PTPRD: variants seen among roughly 807,000 people sequenced by gnomAD.
PTPRD encodes the protein protein tyrosine phosphatase receptor type D, also known as receptor-type tyrosine-protein phosphatase delta.
In PTPRD, 34 loss-of-function variants were observed where a neutral mutation model predicts 214.5. That is an observed-to-expected ratio of 0.16 (90% CI 0.12 to 0.21). The LOEUF (loss-of-function observed/expected upper bound fraction) is 0.21, where lower values mean the gene tolerates loss of function less well. PTPRD is among the 10% of genes least tolerant of loss of function. The pLI, the probability that PTPRD is intolerant of heterozygous loss-of-function variation, is 1.00. For missense variants in PTPRD, 2,545 were observed against 2,398.7 expected, an observed-to-expected ratio of 1.06 and a Z score of -1.27; for synonymous variants, 1,128 against 845.7, an observed-to-expected ratio of 1.33 and a Z score of -5.79.
At chr9:9,615,497 T>C (rs146373633) in intron 7 of PTPRD, among the ~76,000 whole-genome samples, 1,912 of 152,282 alleles carry the variant, frequency 0.013, 26 homozygotes, top group Non-Finnish European at 0.018. Flanking sequence ...GGATCAAGGG[T>C]TGTCTGCTTA....
At chr9:9,256,845 C>A (rs1400388749) in intron 9 of PTPRD, among the ~76,000 whole-genome samples, 1 of 151,992 alleles carries the variant, frequency 6.6e-6, no homozygotes, top group East Asian at 1.9e-4. Flanking sequence ...AGAAAAATCT[C>A]TAAGTCTTAT....
intron 3 of PTPRD, among the ~76,000 whole-genome samples, chr9:10,138,108 T>G (rs1199825882): frequency 6.6e-6 from 1 of 151,848 alleles, no homozygotes; most frequent in African/African-American, 2.4e-5. Flanking sequence ...CAAAAGTGTA[T>G]TTCAAAAAAT....
chr9:9,262,878 G>A (rs1056837958), intron 9 of PTPRD, among the ~76,000 whole-genome samples: 2 of 151,542 alleles, frequency 1.3e-5, no homozygotes, highest in Admixed American at 6.6e-5. Flanking sequence ...TCTATGTTGT[G>A]TTGACTCTGC....
In PTPRD at chr9:9,938,506, C is replaced by A. The variant is rs933677404; in HGVS notation, c.-368+1G>T. 6.6e-6 allele frequency: 1 copy of A among 152,138 alleles called. No individual in the cohort carries two copies. Among genetic ancestry groups the A allele is most frequent in the Non-Finnish European group, 1.5e-5 (1 of 68,040 alleles). 9.4% of individuals were successfully genotyped at this position (152,138 alleles called of 1,614,324 possible). A position where few individuals can be genotyped will look rare whatever the true frequency, so the allele number is the denominator to read the frequency against. Reference sequence around the variant, plus strand: ...AGCATACCCAGTCATACTGAACTCACCTGGAGCCGAAGCCCATCGCTTCCC... The same window carrying A: ...AGCATACCCAGTCATACTGAACTCAACTGGAGCCGAAGCCCATCGCTTCCC... On this transcript the variant is annotated splice_donor_variant, in intron 5 of 45. Coordinates refer to ENST00000381196, the MANE Select transcript of PTPRD (RefSeq NM_002839.4). LOFTEE classifies it low-confidence loss of function (5UTR_SPLICE).
rs1160868875 is a variant in PTPRD at position 8,381,927 on chromosome 9, T to G, written c.4387-5201A>C. Among the ~76,000 whole-genome samples, 3 of 152,170 alleles carry G rather than the reference T, an allele frequency of 2.0e-5. No homozygotes were observed. In the East Asian group the frequency reaches 5.8e-4, roughly 29 times the overall value. On this transcript the variant is annotated intron_variant, in intron 37 of 45. Coordinates refer to ENST00000381196, the MANE Select transcript of PTPRD (RefSeq NM_002839.4). Reference sequence around the variant, plus strand: ...AACTGTGTGAGGTGCCTCTTTCTCGTGGCCAAGTAGCACTTTGATATCAGC... The same window carrying G: ...AACTGTGTGAGGTGCCTCTTTCTCGGGGCCAAGTAGCACTTTGATATCAGC...
At chr9:10,393,600 G>A (rs1273797237) in intron 2 of PTPRD, among the ~76,000 whole-genome samples, 1 of 149,856 alleles carries the variant, frequency 6.7e-6, no homozygotes, top group Non-Finnish European at 1.5e-5. Context: ...AGGCTAGTCT[G>A]GGCAATATAG....
rs140188860 is a variant in PTPRD, at chr9:10,276,289, T to G, written c.-545+64674A>C. ...CATGTTCAGCTCATTAACAAATGCA[T>G]GACACAGCTACACAATCCTGCACAT... On this transcript the variant is annotated intron_variant, in intron 3 of 45. Coordinates refer to ENST00000381196, the MANE Select transcript of PTPRD (RefSeq NM_002839.4). Among the ~76,000 whole-genome samples the G allele has an allele frequency of 4.2e-3, 634 of 152,342 alleles. 3 individuals carry two copies. The highest frequency in any genetic ancestry group is 0.034 in the Middle Eastern group (10 of 294).
intron 3 of PTPRD, among the ~76,000 whole-genome samples, chr9:10,115,526 C>T (rs952802247): frequency 3.3e-5 from 5 of 151,996 alleles, no homozygotes; most frequent in Non-Finnish European, 7.4e-5. Flanking sequence ...AAAGTTAACC[C>T]ACAACTTGCC....
At chr9:8,639,673 C>T (rs2096530938) in intron 12 of PTPRD, among the ~76,000 whole-genome samples, 1 of 152,182 alleles carries the variant, frequency 6.6e-6, no homozygotes. Flanking sequence ...GTTGGCAATT[C>T]TGACAATCTG....
At chr9:8,986,352 A>T (rs572028428) in intron 11 of PTPRD, among the ~76,000 whole-genome samples, 2 of 152,150 alleles carry the variant, frequency 1.3e-5, no homozygotes, top group East Asian at 3.9e-4. Context: ...AAGGGTTAAA[A>T]ATGTAGAGAA....
intron 2 of PTPRD, among the ~76,000 whole-genome samples, chr9:10,583,449 TAGA>T (rs1182309964): frequency 1.4e-5 from 2 of 145,672 alleles, no homozygotes; most frequent in African/African-American, 5.1e-5. Context: ...GGTTATAAAC[TAGA>T]AGTTCTTTTT....
At chr9:10,444,412 C>T (rs59084899) in intron 2 of PTPRD, among the ~76,000 whole-genome samples, 1 of 151,572 alleles carries the variant, frequency 6.6e-6, no homozygotes, top group African/African-American at 2.4e-5. Flanking sequence ...TAAATACTAA[C>T]ATTATATAGG....
chr9:10,510,269 C>G (rs78426143), intron 2 of PTPRD, among the ~76,000 whole-genome samples: 4,918 of 152,120 alleles, frequency 0.032, 252 homozygotes, highest in African/African-American at 0.11. Context: ...TTGTCACAGC[C>G]TGCACTCCAT....
At chr9:9,676,357 A>G (rs1025048021) in intron 7 of PTPRD, among the ~76,000 whole-genome samples, 2 of 141,446 alleles carry the variant, frequency 1.4e-5, no homozygotes, top group Non-Finnish European at 3.0e-5. Flanking sequence ...ATTCCCACCT[A>G]TGAGGGAGAA....
At chr9:8,488,113 A>G (rs923891991) in intron 27 of PTPRD, among the ~76,000 whole-genome samples, 3 of 152,156 alleles carry the variant, frequency 2.0e-5, no homozygotes, top group Non-Finnish European at 4.4e-5. Context: ...AAATCATACC[A>G]TGGGGATATA....
At chr9:9,389,508 A>T (rs1329221514) in intron 9 of PTPRD, among the ~76,000 whole-genome samples, 3 of 151,932 alleles carry the variant, frequency 2.0e-5, no homozygotes, top group Non-Finnish European at 4.4e-5. Context: ...TCCATCTCAA[A>T]ATAATAATAA....
chr9:9,862,889 AG>A (rs2063102000), intron 5 of PTPRD, among the ~76,000 whole-genome samples: 1 of 152,194 alleles, frequency 6.6e-6, no homozygotes, highest in Non-Finnish European at 1.5e-5. Flanking sequence ...GTTATGTTTT[AG>A]TAGAAAAAAC....
chr9:8,798,338 T>A (rs2096491809), intron 11 of PTPRD, among the ~76,000 whole-genome samples: 1 of 152,102 alleles, frequency 6.6e-6, no homozygotes. Flanking sequence ...ACTTTAAAAA[T>A]TTTTTAACAG....
intron 10 of PTPRD, among the ~76,000 whole-genome samples, chr9:9,144,006 T>A (rs1358307598): frequency 1.3e-5 from 2 of 152,232 alleles, no homozygotes; most frequent in East Asian, 3.8e-4. Context: ...GAGGCACACT[T>A]CTTCTAAGAT....
Sources: gnomAD v4.1 joint callset for allele counts (sites outside exome capture counted in the v4.1 genomes callset) on GRCh38, gnomAD v4.1.1 for gene constraint, MANE v1.5 for transcripts, NCBI Gene and HGNC (gene_info 2026-07-23, HGNC 2026-07-21) for gene names.